The following KIAA0586 variants were observed in gnomAD, a reference collection of about 807,000 sequenced individuals.
The protein encoded by KIAA0586 is KIAA0586.
KIAA0586 carries 144 observed loss-of-function variants against 169.8 expected under a neutral mutation model. The observed-to-expected ratio is 0.85, with a 90% confidence interval of 0.74 to 0.97. The LOEUF (loss-of-function observed/expected upper bound fraction) is 0.97, where lower values mean the gene tolerates loss of function less well. Among genes scored for constraint, KIAA0586 ranks in the 50% least tolerant of loss-of-function variants. The pLI is 0.00. For missense variants in KIAA0586, 1,854 were observed against 1,823.0 expected, an observed-to-expected ratio of 1.02 and a Z score of -0.31; for synonymous variants, 625 against 612.4, an observed-to-expected ratio of 1.02 and a Z score of -0.30.
chr14:58,460,024 C>G lies in KIAA0586; in HGVS notation c.1838C>G (p.Pro613Arg), dbSNP rs2040196837. ...ATAGAAGAGCATTTTAGAAATCTAC[C>G]TATGAGGGGCATGCCTGCTTCAAGT... Reference protein sequence around the residue: ...KQIEEHFRNLPMRGMPASSLQ... With the variant: ...KQIEEHFRNLRMRGMPASSLQ... The change falls in exon 13 of 31, where the codon CCT becomes CGT. Residue 613 changes from proline (P) to arginine (R), a missense_variant. Transcript: ENST00000652326. The G allele has an allele frequency of 6.5e-7, 1 of 1,533,818 alleles. No homozygotes were observed. Among genetic ancestry groups the G allele is most frequent in the African/African-American group, 1.4e-5 (1 of 73,058 alleles).
At chr14:58,460,118 A>G (rs980912884) in intron 13 of KIAA0586, 48 bp downstream of exon 13, 1 of 1,095,000 alleles carries the variant, frequency 9.1e-7, no homozygotes, top group East Asian at 2.6e-5. Flanking sequence ...GTTATAATTG[A>G]TCATTTCCTT....
chr14:58,449,874 TAAAAG>T (rs1180360334), intron 7 of KIAA0586, among the ~76,000 whole-genome samples: 1 of 151,916 alleles, frequency 6.6e-6, no homozygotes, highest in Non-Finnish European at 1.5e-5. Flanking sequence ...CAGTAACAAA[TAAAAG>T]AAAATAAAGA....
In KIAA0586 at chr14:58,427,876, A is replaced by G. The variant is rs960609977; in HGVS notation, c.-389A>G. The G allele has an allele frequency of 2.9e-6, 4 of 1,377,408 alleles. No individual in the cohort carries two copies. The highest frequency in any genetic ancestry group is 3.8e-6 in the Non-Finnish European group (4 of 1,051,186). 85.3% of individuals were successfully genotyped at this position (1,377,408 alleles called of 1,614,324 possible). A position where few individuals can be genotyped will look rare whatever the true frequency, so the allele number is the denominator to read the frequency against. On this transcript the variant is annotated 5_prime_UTR_variant, in exon 1 of 31. Coordinates refer to ENST00000652326, the MANE Select transcript of KIAA0586 (RefSeq NM_001329943.3). ...TTCTTATGTGGGTCATTATTTTAAA[A>G]ATAGCATTTCGCTTTTATTTGCTTG...
chr14:58,466,005 C>T lies in KIAA0586; in HGVS notation c.2230C>T (p.Leu744=). Residue 744 remains leucine (L), a synonymous_variant, in exon 15 of 31, where the codon CTG becomes TTG. Transcript: ENST00000652326. ...PTFSGTLEGH[L]IPMAILLGQT... is the part of the protein sequence containing the mutation. ...TTTTTCAGGTACATTGGAAGGTCAT[C>T]TGATTCCTATGGCAATTCTTTTAGG... is the stretch of plus-strand genomic sequence containing the variant. 6.2e-7 allele frequency: 1 copy of T among 1,608,600 alleles called. No homozygotes were observed. The highest frequency in any genetic ancestry group is 1.1e-5 in the South Asian group (1 of 89,580).
intron 8 of KIAA0586, among the ~76,000 whole-genome samples, chr14:58,452,185 T>A (rs2039444729): frequency 6.6e-6 from 1 of 152,146 alleles, no homozygotes; most frequent in Non-Finnish European, 1.5e-5. Context: ...CAGTGTATAC[T>A]GCTTGGATGA....
chr14:58,502,885 A>G (rs2043674081), intron 27 of KIAA0586, among the ~76,000 whole-genome samples: 2 of 152,064 alleles, frequency 1.3e-5, no homozygotes, highest in Non-Finnish European at 2.9e-5. Context: ...AGTGATTGGT[A>G]TTGCTTTTCG....
chr14:58,487,041 C>G lies in KIAA0586; in HGVS notation c.3179C>G (p.Pro1060Arg), dbSNP rs776461604. The G allele has an allele frequency of 5.0e-6, 8 of 1,613,202 alleles. No homozygotes were observed. The highest frequency in any genetic ancestry group is 3.3e-5 in the Admixed American group (2 of 59,970). ...RVCTPLPTPQ[P>R]TPPCSPSSPA... The stretch of plus-strand genomic sequence containing the variant: ...TGCACCCCACTGCCTACCCCACAGC[C>G]TACGCCTCCTTGCTCACCTTCATCA... Residue 1060 changes from proline to arginine, a missense_variant, in exon 22 of 31, where the codon CCT becomes CGT. Coordinates refer to ENST00000652326, the MANE Select transcript of KIAA0586 (RefSeq NM_001329943.3).
At chr14:58,445,090 C>T (rs1156344261) in intron 6 of KIAA0586, among the ~76,000 whole-genome samples, 1 of 150,752 alleles carries the variant, frequency 6.6e-6, no homozygotes, top group Non-Finnish European at 1.5e-5. Flanking sequence ...GAGACCCTAT[C>T]TCAAAAAAAA....
chr14:58,493,863 C>T (rs577378075), intron 26 of KIAA0586, among the ~76,000 whole-genome samples: 137 of 151,144 alleles, frequency 9.1e-4, no homozygotes, highest in African/African-American at 3.1e-3. Context: ...AGCGCATGTG[C>T]GGGTGGAAAG....
At chr14:58,505,715 G>T (rs923936102) in intron 27 of KIAA0586, among the ~76,000 whole-genome samples, 2 of 151,986 alleles carry the variant, frequency 1.3e-5, no homozygotes, top group African/African-American at 2.4e-5. Flanking sequence ...TCATATGTTT[G>T]TTGGCCATTT....
chr14:58,524,143 G>A (rs2045411198), intron 29 of KIAA0586, among the ~76,000 whole-genome samples: 1 of 152,132 alleles, frequency 6.6e-6, no homozygotes, highest in Admixed American at 6.5e-5. Flanking sequence ...CAGAGATGTA[G>A]CTACGCAGCT....
At chr14:58,466,277 C>A (rs2040768467) in intron 15 of KIAA0586, among the ~76,000 whole-genome samples, 1 of 152,126 alleles carries the variant, frequency 6.6e-6, no homozygotes, top group African/African-American at 2.4e-5. Flanking sequence ...ACATGATAGT[C>A]ATCTACCTTT....
intron 4 of KIAA0586, among the ~76,000 whole-genome samples, chr14:58,440,659 C>A (rs534742724): frequency 6.6e-6 from 1 of 152,144 alleles, no homozygotes; most frequent in Non-Finnish European, 1.5e-5. Context: ...TTAAGTAAAT[C>A]TAAATGACCT....
At position 58,456,762 on chromosome 14, in the gene KIAA0586, T is replaced by G; in HGVS notation, c.1314T>G (p.Val438=). 1 of 1,605,766 alleles carries G rather than the reference T, an allele frequency of 6.2e-7. No homozygotes were observed. Among genetic ancestry groups the G allele is most frequent in the Non-Finnish European group, 8.5e-7 (1 of 1,175,736 alleles). ...TGACTATGCAGAAGTCTGATGATGT[T>G]CTTCATGACCTTGGCCAAAAAGAGA... The part of the protein sequence containing the change: ...TKVTMQKSDD[V]LHDLGQKEKE... Residue 438 remains valine, a synonymous_variant, in exon 10 of 31, where the codon GTT becomes GTG. Transcript: ENST00000652326.
chr14:58,486,869 TAGA>T, intron 21 of KIAA0586, 135 bp from the exon 22 acceptor site: 2 of 559,090 alleles, frequency 3.6e-6, no homozygotes, highest in Admixed American at 7.5e-5. Context: ...GACTAACAGG[TAGA>T]GGTTCAAGAG....
At chr14:58,488,947 A>C (rs1461401329) in intron 24 of KIAA0586, 73 bp downstream of exon 24, 6 of 1,458,410 alleles carry the variant, frequency 4.1e-6, no homozygotes, top group South Asian at 4.0e-5. Flanking sequence ...TTTCTATTTA[A>C]AGTGTTTTTA....
In KIAA0586 at chr14:58,427,750, G is replaced by A. The variant is rs577487452; in HGVS notation, c.-515G>A. 6.5e-7 allele frequency: 1 copy of A among 1,532,892 alleles called. No individual in the cohort carries two copies. The highest frequency in any genetic ancestry group is 1.4e-5 in the African/African-American group (1 of 73,054). 95.0% of individuals were successfully genotyped at this position (1,532,892 alleles called of 1,614,324 possible). A position where few individuals can be genotyped will look rare whatever the true frequency, so the allele number is the denominator to read the frequency against. ...GTCAGATTACACCCACGACGGTGCGGGTCTCGGGCGTTCTGGAGATACGTA... is the reference window on the plus strand; with the variant it reads ...GTCAGATTACACCCACGACGGTGCGAGTCTCGGGCGTTCTGGAGATACGTA... On this transcript the variant is annotated 5_prime_UTR_variant, in exon 1 of 31. Coordinates refer to ENST00000652326, the MANE Select transcript of KIAA0586 (RefSeq NM_001329943.3).
rs892385915 is a variant in KIAA0586 at position 58,429,269 on chromosome 14, A to T, written c.200-94A>T. 15 of 701,074 alleles carry T rather than the reference A, an allele frequency of 2.1e-5. No homozygotes were observed. The Admixed American group carries it at 3.3e-4, about 15-fold the overall frequency. The allele number at this position is 701,074 out of a possible 1,614,324, so 43.4% of individuals were successfully genotyped here. A position where few individuals can be genotyped will look rare whatever the true frequency, so the allele number is the denominator to read the frequency against. On this transcript the variant is annotated intron_variant, in intron 1 of 30. Transcript: ENST00000652326. ...ATTGTCTTTCCAACTTCTGCGTTATATGGAGTTTATAGATCTTGAATCATG... is the reference window on the plus strand; with the variant it reads ...ATTGTCTTTCCAACTTCTGCGTTATTTGGAGTTTATAGATCTTGAATCATG...
intron 29 of KIAA0586, among the ~76,000 whole-genome samples, chr14:58,523,646 AGGAACC>A (rs887656581): frequency 5.3e-5 from 8 of 151,940 alleles, no homozygotes; most frequent in African/African-American, 1.7e-4. Context: ...TTGGGAGCAG[AGGAACC>A]GTCTCCAGTT....
Sources: gnomAD v4.1 joint callset for allele counts (sites outside exome capture counted in the v4.1 genomes callset) on GRCh38, gnomAD v4.1.1 for gene constraint, MANE v1.5 for transcripts, NCBI Gene and HGNC (gene_info 2026-07-23, HGNC 2026-07-21) for gene names.